The following GALNTL6 variants were observed in gnomAD, a reference collection of about 807,000 sequenced individuals.
The protein encoded by GALNTL6 is polypeptide N-acetylgalactosaminyltransferase-like 6.
In GALNTL6, 46 loss-of-function variants were observed where a neutral mutation model predicts 73.7. The observed-to-expected ratio is 0.62, with a 90% CI of 0.49 to 0.80. The LOEUF is 0.80. Among genes scored for constraint, GALNTL6 ranks in the 30% least tolerant of loss-of-function variants. The probability of loss-of-function intolerance (pLI) is 0.00; values close to 1 mark genes in which losing one functional copy is unlikely to be tolerated. For missense variants in GALNTL6, 604 were observed against 755.0 expected (o/e 0.80, Z 2.34); for synonymous variants, 259 against 263.7 (o/e 0.98, Z 0.17).
At chr4:171,956,892 C>G (rs567917155) in intron 2 of GALNTL6, among the ~76,000 whole-genome samples, 19 of 152,158 alleles carry the variant, frequency 1.2e-4, no homozygotes, top group Non-Finnish European at 2.5e-4. Context: ...AGAGAGCCAG[C>G]CTTCCGAGTT....
intron 9 of GALNTL6, among the ~76,000 whole-genome samples, chr4:172,939,180 C>A (rs1748784654): frequency 6.6e-6 from 1 of 152,002 alleles, no homozygotes; most frequent in African/African-American, 2.4e-5. Flanking sequence ...CCTATAGTCC[C>A]AGCTACTTGA....
At chr4:172,918,998 A>G (rs1359934115) in intron 8 of GALNTL6, among the ~76,000 whole-genome samples, 3 of 152,204 alleles carry the variant, frequency 2.0e-5, no homozygotes, top group Non-Finnish European at 2.9e-5. Context: ...TAACAAAAAA[A>G]TTTAAAACTG....
chr4:171,883,600 G>A (rs1350481490), intron 2 of GALNTL6, among the ~76,000 whole-genome samples: 1 of 151,744 alleles, frequency 6.6e-6, no homozygotes, highest in Non-Finnish European at 1.5e-5. Context: ...ACTGAAAATA[G>A]GTTTGTCTGA....
At chr4:172,616,363 G>A (rs762188014) in intron 5 of GALNTL6, among the ~76,000 whole-genome samples, 4 of 151,936 alleles carry the variant, frequency 2.6e-5, no homozygotes, top group Non-Finnish European at 5.9e-5. Flanking sequence ...TCTTCAGAAT[G>A]TTGCTGAACA....
At chr4:172,965,460 G>A (rs753331325) in intron 10 of GALNTL6, among the ~76,000 whole-genome samples, 36 of 152,204 alleles carry the variant, frequency 2.4e-4, no homozygotes, top group Admixed American at 5.2e-4. Flanking sequence ...GCAGGCGCCT[G>A]TAGTCCCAGC....
At chr4:172,430,962 T>G (rs191943732) in intron 5 of GALNTL6, among the ~76,000 whole-genome samples, 346 of 152,330 alleles carry the variant, frequency 2.3e-3, no homozygotes, top group Non-Finnish European at 4.1e-3. Context: ...ATTAAATACC[T>G]TTAAGGAAAT....
chr4:172,821,956 C>T (rs193102250), intron 7 of GALNTL6, among the ~76,000 whole-genome samples: 18 of 152,220 alleles, frequency 1.2e-4, no homozygotes, highest in Non-Finnish European at 2.1e-4. Flanking sequence ...CTGCCCTGAG[C>T]CCCCAGTCTC....
At chr4:172,215,719 G>A (rs1372290972) in intron 2 of GALNTL6, among the ~76,000 whole-genome samples, 2 of 152,014 alleles carry the variant, frequency 1.3e-5, no homozygotes, top group Non-Finnish European at 2.9e-5. Context: ...TATTTAAAGT[G>A]CTATTAATAT....
At chr4:172,838,080 G>C (rs571941736) in intron 7 of GALNTL6, among the ~76,000 whole-genome samples, 3 of 151,716 alleles carry the variant, frequency 2.0e-5, no homozygotes, top group Non-Finnish European at 4.4e-5. Context: ...GTGTTTGCTC[G>C]CACAGCATGG....
chr4:172,067,782 G>A (rs1462957415), intron 2 of GALNTL6, among the ~76,000 whole-genome samples: 1 of 110,184 alleles, frequency 9.1e-6, no homozygotes, highest in East Asian at 2.1e-4. Flanking sequence ...AAGTAAGGAG[G>A]GCACCCAGGT....
rs533888440 is a variant in GALNTL6, at chr4:172,233,823, A to G, written c.247+4059A>G. ...ACACAGATATGCACAAAAAAATGGG[A>G]ATTTTTGAATTGTATTTAGCCTATG... is the stretch of plus-strand genomic sequence containing the variant. On this transcript the variant is annotated intron_variant, in intron 3 of 12. Transcript: ENST00000506823. 2.6e-5 allele frequency among the ~76,000 whole-genome samples: 4 copies of G among 152,058 alleles called. No individual in the cohort carries two copies. The South Asian group carries it at 8.3e-4, about 32-fold the overall frequency.
At position 172,906,637 on chromosome 4, in the gene GALNTL6, T is replaced by A. The variant is rs75156380; in HGVS notation, c.1041+23730T>A. 8.7e-4 allele frequency among the ~76,000 whole-genome samples: 132 copies of A among 152,332 alleles called. No homozygotes were observed. The East Asian group carries it at 0.024, about 28-fold the overall frequency. On this transcript the variant is annotated intron_variant, in intron 8 of 12. Coordinates refer to ENST00000506823, the MANE Select transcript of GALNTL6 (RefSeq NM_001034845.3). ...AAGCTGGCTCTGGTTGTTGGCAGAA[T>A]CCATTTCTTCATGGTTGTGGGACTG...
At chr4:172,731,164 A>C (rs2111389267) in intron 5 of GALNTL6, among the ~76,000 whole-genome samples, 1 of 152,092 alleles carries the variant, frequency 6.6e-6, no homozygotes, top group East Asian at 1.9e-4. Flanking sequence ...TCAACAGGGA[A>C]TCCATCAGAT....
chr4:172,165,354 A>G (rs1451401414), intron 2 of GALNTL6, among the ~76,000 whole-genome samples: 1 of 152,170 alleles, frequency 6.6e-6, no homozygotes, highest in African/African-American at 2.4e-5. Flanking sequence ...GTCCGTTGCC[A>G]CACAGTTAAT....
intron 2 of GALNTL6, among the ~76,000 whole-genome samples, chr4:171,994,413 C>T (rs1326797273): frequency 1.3e-5 from 2 of 152,064 alleles, no homozygotes; most frequent in Non-Finnish European, 2.9e-5. Flanking sequence ...CCTACCCATT[C>T]ACTAGCTAGA....
chr4:172,458,190 G>A (rs1054275665), intron 5 of GALNTL6, among the ~76,000 whole-genome samples: 12 of 151,698 alleles, frequency 7.9e-5, no homozygotes, highest in East Asian at 5.8e-4. Context: ...AAGACATAAC[G>A]TACCAGAATC....
At chr4:172,748,880 TTTG>T (rs142265791) in intron 5 of GALNTL6, among the ~76,000 whole-genome samples, 483 of 150,104 alleles carry the variant, frequency 3.2e-3, no homozygotes, top group African/African-American at 0.011. Context: ...CATATTTTCT[TTTG>T]TTGTTGTTGT....
At chr4:171,906,109 C>A (rs1006935262) in intron 2 of GALNTL6, among the ~76,000 whole-genome samples, 11 of 152,062 alleles carry the variant, frequency 7.2e-5, no homozygotes, top group Non-Finnish European at 1.3e-4. Context: ...CAAACACATT[C>A]ATAAGCTAGC....
At chr4:172,376,650 G>C (rs1579010832) in intron 5 of GALNTL6, among the ~76,000 whole-genome samples, 1 of 152,250 alleles carries the variant, frequency 6.6e-6, no homozygotes, top group East Asian at 1.9e-4. Context: ...AGAATAGCAA[G>C]CAAAAGGGGT....
Sources: allele counts gnomAD v4.1 joint callset (sites outside exome capture counted in the v4.1 genomes callset), GRCh38; gene constraint gnomAD v4.1.1; transcripts MANE v1.5; gene names NCBI Gene and HGNC (gene_info 2026-07-23, HGNC 2026-07-21).